Variants in NOL10 observed in about 807,000 individuals in gnomAD.
NOL10 encodes nucleolar protein 10.
A neutral mutation model predicts 103.5 loss-of-function variants in NOL10; 58 were observed. That is an observed-to-expected ratio of 0.56 (90% confidence interval 0.45 to 0.70). The LOEUF (loss-of-function observed/expected upper bound fraction) is 0.70, where lower values mean the gene tolerates loss of function less well. Ranked by LOEUF, NOL10 falls within the 30% of genes least tolerant of loss-of-function variation. The pLI is 0.00. For synonymous variants in NOL10, 287 were observed against 282.5 expected (o/e 1.02, Z -0.16); for missense variants, 763 against 807.3 (o/e 0.95, Z 0.67).
At chr2:10,659,645 T>C (rs1680065235) in intron 9 of NOL10, among the ~76,000 whole-genome samples, 1 of 152,164 alleles carries the variant, frequency 6.6e-6, no homozygotes, top group African/African-American at 2.4e-5. Flanking sequence ...ATCATTCCAC[T>C]GCGCTGCAGT....
At chr2:10,597,831 T>C (rs575142971) in intron 17 of NOL10, among the ~76,000 whole-genome samples, 58 of 152,342 alleles carry the variant, frequency 3.8e-4, no homozygotes, top group Non-Finnish European at 4.3e-4. Flanking sequence ...TGGAAGAAGA[T>C]AGGAATTTCT....
intron 8 of NOL10, among the ~76,000 whole-genome samples, chr2:10,666,475 T>C (rs911182976): frequency 2.0e-5 from 3 of 152,070 alleles, no homozygotes; most frequent in Non-Finnish European, 4.4e-5. Flanking sequence ...ATTACAGGTG[T>C]GTGCCACCAC....
intron 13 of NOL10, among the ~76,000 whole-genome samples, chr2:10,631,711 C>T (rs979699688): frequency 7.2e-6 from 1 of 138,452 alleles, no homozygotes; most frequent in African/African-American, 3.2e-5. Context: ...GAACCATGTT[C>T]TCCCTGTTTT....
chr2:10,608,018 A>G (rs553532357), intron 13 of NOL10, among the ~76,000 whole-genome samples: 7 of 152,124 alleles, frequency 4.6e-5, no homozygotes, highest in Non-Finnish European at 8.8e-5. Flanking sequence ...GAAAATCGCT[A>G]AGAGAGTAGA....
At position 10,675,674 on chromosome 2, in the gene NOL10, G is replaced by A. The variant is rs572179014; in HGVS notation, c.289+120C>T. The A allele has an allele frequency of 3.7e-5, 22 of 599,144 alleles. No individual in the cohort carries two copies. The South Asian group carries it at 4.6e-4, about 13-fold the overall frequency. 37.1% of individuals were successfully genotyped at this position (599,144 alleles called of 1,614,324 possible). A position where few individuals can be genotyped will look rare whatever the true frequency, so the allele number is the denominator to read the frequency against. On this transcript the variant is annotated intron_variant, in intron 4 of 20. Coordinates refer to ENST00000381685, the MANE Select transcript of NOL10 (RefSeq NM_024894.4). The stretch of plus-strand genomic sequence containing the variant: ...GATGTTTTAAGCCATCGGGATTGTA[G>A]TACAGTAATTTGTTATACAGCAATA...
chr2:10,609,754 A>G (rs1676456605), intron 13 of NOL10, among the ~76,000 whole-genome samples: 1 of 152,222 alleles, frequency 6.6e-6, no homozygotes, highest in African/African-American at 2.4e-5. Flanking sequence ...GCTCTATCAG[A>G]TAATGGTGTA....
At chr2:10,686,026 C>T (rs1375918740) in intron 1 of NOL10, among the ~76,000 whole-genome samples, 1 of 151,462 alleles carries the variant, frequency 6.6e-6, no homozygotes, top group African/African-American at 2.4e-5. Context: ...TGTGCCACTG[C>T]ACTCCAGCCT....
intron 2 of NOL10, 35 bp from the exon 3 acceptor site, chr2:10,682,104 A>C (rs1236764691): frequency 1.0e-6 from 1 of 953,914 alleles, no homozygotes; most frequent in East Asian, 2.8e-5. Context: ...AGTTTAACTA[A>C]CATGTGCTTA....
chr2:10,659,807 T>C (rs1680076819), intron 9 of NOL10, among the ~76,000 whole-genome samples: 2 of 152,218 alleles, frequency 1.3e-5, no homozygotes, highest in African/African-American at 4.8e-5. Flanking sequence ...AAGGTATTTA[T>C]AGAAACATCC....
chr2:10,607,750 T>TTTTTTATTATTATTATTATTA (rs70953321), intron 13 of NOL10, among the ~76,000 whole-genome samples: 43 of 144,744 alleles, frequency 3.0e-4, no homozygotes, highest in African/African-American at 6.6e-4. Context: ...AAAAACAATA[T>TTTTTTATTATTATTATTATTA]TTATTATTAT....
chr2:10,622,824 G>A (rs1677225592), intron 13 of NOL10, among the ~76,000 whole-genome samples: 1 of 151,964 alleles, frequency 6.6e-6, no homozygotes, highest in East Asian at 1.9e-4. Flanking sequence ...CTCCCTCCCA[G>A]GAAGCAGTTT....
chr2:10,682,204 A>G, intron 2 of NOL10, 135 bp from the exon 3 acceptor site: 1 of 395,382 alleles, frequency 2.5e-6, no homozygotes, highest in Non-Finnish European at 4.5e-6. Context: ...TGGCCTTGGG[A>G]AAGGTCACCA....
chr2:10,688,998 A>G (rs1261402441), intron 1 of NOL10, among the ~76,000 whole-genome samples: 1 of 152,248 alleles, frequency 6.6e-6, no homozygotes, highest in East Asian at 1.9e-4. Context: ...ATAAGGTGAC[A>G]TATTTGAAAA....
intron 17 of NOL10, among the ~76,000 whole-genome samples, chr2:10,596,435 G>A (rs974001394): frequency 1.8e-4 from 27 of 152,156 alleles, no homozygotes; most frequent in African/African-American, 5.3e-4. Flanking sequence ...AAGTCCCATC[G>A]GGGGCTAATG....
At position 10,646,217 on chromosome 2, in the gene NOL10, C is replaced by T. The variant is rs1043442656; in HGVS notation, c.974-1845G>A. ...TGAAAGATCTCCAGGAGCCTTTGGA[C>T]ATAATTAAAGCAGTTCTGGAGACAG... On this transcript the variant is annotated intron_variant, in intron 12 of 20. Transcript: ENST00000381685. 4.6e-5 allele frequency among the ~76,000 whole-genome samples: 7 copies of T among 152,264 alleles called. No homozygotes were observed. The East Asian group carries it at 1.4e-3, about 29-fold the overall frequency.
At chr2:10,672,044 C>G (rs1216464158) in intron 5 of NOL10, among the ~76,000 whole-genome samples, 1 of 152,090 alleles carries the variant, frequency 6.6e-6, no homozygotes, top group Non-Finnish European at 1.5e-5. Context: ...TTAAATAATC[C>G]TGGCCGGGCA....
intron 17 of NOL10, among the ~76,000 whole-genome samples, chr2:10,594,922 G>A (rs992139046): frequency 6.6e-6 from 1 of 152,080 alleles, no homozygotes; most frequent in Non-Finnish European, 1.5e-5. Context: ...ACTTAAGCCC[G>A]AGAGACTGAG....
intron 12 of NOL10, among the ~76,000 whole-genome samples, chr2:10,651,601 T>C (rs1311319569): frequency 2.0e-5 from 3 of 152,128 alleles, no homozygotes; most frequent in African/African-American, 7.2e-5. Flanking sequence ...CACGAGTGGC[T>C]AGTGGCTACC....
At chr2:10,683,778 G>C (rs531198090) in intron 2 of NOL10, among the ~76,000 whole-genome samples, 1 of 152,308 alleles carries the variant, frequency 6.6e-6, no homozygotes, top group East Asian at 1.9e-4. Context: ...GTCCCCAGGA[G>C]ACCCAAGAGG....
Sources: gnomAD v4.1 joint callset for allele counts (sites outside exome capture counted in the v4.1 genomes callset) on GRCh38, gnomAD v4.1.1 for gene constraint, MANE v1.5 for transcripts, NCBI Gene and HGNC (gene_info 2026-07-23, HGNC 2026-07-21) for gene names.